Variants in CBLB observed in about 807,000 individuals in gnomAD.
CBLB encodes the protein E3 ubiquitin-protein ligase CBL-B.
A neutral mutation model predicts 104.9 loss-of-function variants in CBLB; 31 were observed. The observed-to-expected ratio is 0.30, with a 90% CI of 0.22 to 0.40. The LOEUF is 0.40. Ranked by LOEUF, CBLB falls within the 10% of genes least tolerant of loss-of-function variation. The pLI is 1.00. For synonymous variants in CBLB, 440 were observed against 422.6 expected (o/e 1.04, Z -0.51); for missense variants, 1,062 against 1,214.6 (o/e 0.87, Z 1.87).
At chr3:105,730,132 AT>A (rs972678401) in intron 9 of CBLB, among the ~76,000 whole-genome samples, 52 of 149,084 alleles carry the variant, frequency 3.5e-4, no homozygotes, top group Admixed American at 4.0e-4. Flanking sequence ...TACTGTGCAT[AT>A]TTTTTTTTTG....
intron 3 of CBLB, among the ~76,000 whole-genome samples, chr3:105,781,211 T>C (rs573075219): frequency 6.6e-6 from 1 of 152,306 alleles, no homozygotes; most frequent in African/African-American, 2.4e-5. Context: ...CTATATCATA[T>C]TTCTTTAAAA....
chr3:105,656,796 A>G lies in CBLB; in HGVS notation c.*2174T>C, dbSNP rs1044375963. 9.8e-6 allele frequency: 2 copies of G among 203,190 alleles called. No individual in the cohort carries two copies. The highest frequency in any genetic ancestry group is 2.0e-5 in the Non-Finnish European group (2 of 99,128). The allele number at this position is 203,190 out of a possible 1,614,324, so 12.6% of individuals were successfully genotyped here. On this transcript the variant is annotated 3_prime_UTR_variant, in exon 19 of 19. Transcript: ENST00000394030. ...GGAATGTTGCAACAATGTTATCACAATGAAGTGGCAACTTTTGGCCTTTAG... is the reference window on the plus strand; with the variant it reads ...GGAATGTTGCAACAATGTTATCACAGTGAAGTGGCAACTTTTGGCCTTTAG...
intron 2 of CBLB, among the ~76,000 whole-genome samples, chr3:105,862,157 G>A (rs902893169): frequency 1.3e-5 from 2 of 151,846 alleles, no homozygotes; most frequent in Non-Finnish European, 1.5e-5. Flanking sequence ...TTCTTCCTCC[G>A]AAATCTCTGA....
intron 9 of CBLB, among the ~76,000 whole-genome samples, chr3:105,720,639 G>T (rs1386096702): frequency 3.9e-5 from 6 of 152,084 alleles, no homozygotes; most frequent in Admixed American, 1.3e-4. Flanking sequence ...CCATAAAAAA[G>T]TATATTTTGG....
intron 4 of CBLB, among the ~76,000 whole-genome samples, chr3:105,770,573 G>A (rs1023583170): frequency 3.3e-5 from 5 of 152,142 alleles, no homozygotes; most frequent in African/African-American, 9.7e-5. Flanking sequence ...ATATAATCTC[G>A]AGTGGAACAA....
At position 105,685,476 on chromosome 3, in the gene CBLB, G is replaced by GA. The variant is rs71627687; in HGVS notation, c.2055-11dup. On this transcript the variant is annotated splice_polypyrimidine_tract_variant and intron_variant, in intron 13 of 18. Coordinates refer to ENST00000394030, the MANE Select transcript of CBLB (RefSeq NM_170662.5). ...TAACGGACCAGTACACCTACCAGGG[G>GA]AAAAAAAATCCAATCTAGTTTAAGC... The GA allele has an allele frequency of 9.3e-6, 15 of 1,609,002 alleles. No homozygotes were observed. The highest frequency in any genetic ancestry group is 7.7e-5 in the South Asian group (7 of 90,842).
chr3:105,819,810 G>A (rs1198152743), intron 3 of CBLB, among the ~76,000 whole-genome samples: 2 of 152,020 alleles, frequency 1.3e-5, no homozygotes, highest in Non-Finnish European at 2.9e-5. Context: ...AAATGAAAAT[G>A]TTATCTTTAT....
chr3:105,857,594 C>T (rs2091736464), intron 2 of CBLB, among the ~76,000 whole-genome samples: 2 of 152,150 alleles, frequency 1.3e-5, no homozygotes, highest in Admixed American at 1.3e-4. Context: ...TTCTGAATCT[C>T]GGGCTGATCT....
chr3:105,682,450 A>G (rs2066429330), intron 14 of CBLB, among the ~76,000 whole-genome samples: 1 of 152,194 alleles, frequency 6.6e-6, no homozygotes, highest in African/African-American at 2.4e-5. Flanking sequence ...CGACAAGTAC[A>G]GTTTTTAATG....
intron 14 of CBLB, among the ~76,000 whole-genome samples, chr3:105,683,963 TTC>T (rs1392042232): frequency 6.6e-6 from 1 of 152,246 alleles, no homozygotes; most frequent in African/African-American, 2.4e-5. Context: ...GAAAATGTGC[TTC>T]TCTTTCCAAG....
At chr3:105,688,613 T>C (rs891131074) in intron 13 of CBLB, among the ~76,000 whole-genome samples, 54 of 152,208 alleles carry the variant, frequency 3.5e-4, no homozygotes, top group African/African-American at 1.2e-3. Context: ...GCTTGCCCTA[T>C]ACATTACACC....
intron 3 of CBLB, among the ~76,000 whole-genome samples, chr3:105,811,314 A>G (rs1366991344): frequency 6.6e-6 from 1 of 152,196 alleles, no homozygotes; most frequent in Non-Finnish European, 1.5e-5. Flanking sequence ...CTAATGAACA[A>G]TCCCTGATAT....
chr3:105,691,474 A>C (rs1403713661), intron 13 of CBLB, among the ~76,000 whole-genome samples: 1 of 152,222 alleles, frequency 6.6e-6, no homozygotes, highest in African/African-American at 2.4e-5. Flanking sequence ...GCAGGTATTT[A>C]ATGTTAAATA....
intron 5 of CBLB, among the ~76,000 whole-genome samples, chr3:105,750,419 T>C (rs1055084326): frequency 2.0e-5 from 3 of 152,206 alleles, no homozygotes; most frequent in African/African-American, 7.2e-5. Flanking sequence ...ACTCTGATAT[T>C]TGTTGAAAGC....
intron 12 of CBLB, among the ~76,000 whole-genome samples, chr3:105,701,886 T>A (rs774137654): frequency 1.3e-5 from 2 of 152,188 alleles, no homozygotes; most frequent in Non-Finnish European, 2.9e-5. Flanking sequence ...GTCTTCACAT[T>A]AAAATTAAAT....
intron 9 of CBLB, among the ~76,000 whole-genome samples, chr3:105,730,729 A>G (rs536746501): frequency 5.3e-5 from 8 of 152,254 alleles, no homozygotes; most frequent in African/African-American, 1.7e-4. Flanking sequence ...AAAGGTTTGC[A>G]TATTTTTCAT....
At chr3:105,844,735 T>C (rs1474151758) in intron 3 of CBLB, among the ~76,000 whole-genome samples, 1 of 152,202 alleles carries the variant, frequency 6.6e-6, no homozygotes, top group Non-Finnish European at 1.5e-5. Flanking sequence ...CCTACCCAAT[T>C]AGCACTGAAT....
chr3:105,764,824 T>C (rs1213216999), intron 4 of CBLB, among the ~76,000 whole-genome samples: 1 of 152,166 alleles, frequency 6.6e-6, no homozygotes, highest in Non-Finnish European at 1.5e-5. Flanking sequence ...ACATGAATGA[T>C]AAGAAAGCAA....
At chr3:105,703,533 A>G (rs1487890030) in intron 11 of CBLB, among the ~76,000 whole-genome samples, 1 of 152,176 alleles carries the variant, frequency 6.6e-6, no homozygotes, top group Admixed American at 6.5e-5. Flanking sequence ...CCAGGTTTAA[A>G]AACTACATAT....
Sources: gnomAD v4.1 joint callset for allele counts (sites outside exome capture counted in the v4.1 genomes callset) on GRCh38, gnomAD v4.1.1 for gene constraint, MANE v1.5 for transcripts, NCBI Gene and HGNC (gene_info 2026-07-23, HGNC 2026-07-21) for gene names.